PRR16: variants seen among roughly 807,000 people sequenced by gnomAD.
PRR16 encodes proline rich 16.
PRR16 carries 6 observed loss-of-function variants against 18.2 expected under a neutral mutation model. That is an observed-to-expected ratio of 0.33 (90% CI 0.18 to 0.65). The LOEUF (loss-of-function observed/expected upper bound fraction) is 0.65, where lower values mean the gene tolerates loss of function less well. Ranked by LOEUF, PRR16 falls within the 30% of genes least tolerant of loss-of-function variation. The pLI is 0.74. For missense variants in PRR16, 412 were observed against 376.6 expected, an observed-to-expected ratio of 1.09 and a Z score of -0.78; for synonymous variants, 151 against 147.8, an observed-to-expected ratio of 1.02 and a Z score of -0.16.
At chr5:120,772,857 TAC>T in the PRR16 span, among the ~76,000 whole-genome samples, 4 of 152,104 alleles carry the variant, frequency 2.6e-5, no homozygotes, top group African/African-American at 4.8e-5. Flanking sequence ...TCAAGCCATA[TAC>T]AGTTTTCACA....
chr5:120,693,819 T>G, the PRR16 span, among the ~76,000 whole-genome samples: 1,010 of 152,340 alleles, frequency 6.6e-3, 21 homozygotes, highest in African/African-American at 0.022. Context: ...TCTCAACTCA[T>G]GTCTTTCTTG....
At chr5:120,575,916 C>G (rs1580742387) in intron 1 of PRR16, among the ~76,000 whole-genome samples, 1 of 152,068 alleles carries the variant, frequency 6.6e-6, no homozygotes, top group African/African-American at 2.4e-5. Context: ...GTGCCAGGTA[C>G]ACACAATAGA....
At chr5:120,696,655 A>T in the PRR16 span, among the ~76,000 whole-genome samples, 1 of 152,210 alleles carries the variant, frequency 6.6e-6, no homozygotes, top group East Asian at 1.9e-4. Context: ...ATGGACTGCT[A>T]CAAAGTGGTG....
At chr5:120,682,382 G>A (rs1490844677) in intron 1 of PRR16, among the ~76,000 whole-genome samples, 1 of 152,078 alleles carries the variant, frequency 6.6e-6, no homozygotes, top group African/African-American at 2.4e-5. Flanking sequence ...GTCAAAGTGA[G>A]GCCCTTTCAT....
chr5:120,600,908 GT>G (rs1448625832), intron 1 of PRR16, among the ~76,000 whole-genome samples: 1 of 151,686 alleles, frequency 6.6e-6, no homozygotes, highest in Non-Finnish European at 1.5e-5. Context: ...TCATGATTTT[GT>G]TTTTTATGGC....
chr5:120,697,844 T>C, the PRR16 span, among the ~76,000 whole-genome samples: 1 of 151,854 alleles, frequency 6.6e-6, no homozygotes, highest in African/African-American at 2.4e-5. Context: ...GGACCTTAAG[T>C]TAGTCAAAAC....
intron 1 of PRR16, among the ~76,000 whole-genome samples, chr5:120,612,510 C>T (rs78460213): frequency 0.059 from 8,970 of 152,160 alleles, 340 homozygotes; most frequent in South Asian, 0.084. Flanking sequence ...ATTCTCGTGA[C>T]GGTGAATAAG....
chr5:120,766,021 A>C, the PRR16 span, among the ~76,000 whole-genome samples: 8 of 152,176 alleles, frequency 5.3e-5, no homozygotes, highest in African/African-American at 1.4e-4. Flanking sequence ...GGTATAGTTA[A>C]TAAGTGGCCT....
At chr5:120,544,755 G>C (rs548489518) in intron 1 of PRR16, among the ~76,000 whole-genome samples, 4 of 152,074 alleles carry the variant, frequency 2.6e-5, no homozygotes, top group African/African-American at 9.6e-5. Context: ...GCCCAGGCTG[G>C]TTTTGAGACT....
At chr5:120,748,697 A>G in the PRR16 span, among the ~76,000 whole-genome samples, 1 of 152,244 alleles carries the variant, frequency 6.6e-6, no homozygotes, top group African/African-American at 2.4e-5. Context: ...CATTCATTTA[A>G]TAGGTAACAT....
At chr5:120,567,329 A>G (rs1380846703) in intron 1 of PRR16, among the ~76,000 whole-genome samples, 1 of 152,042 alleles carries the variant, frequency 6.6e-6, no homozygotes, top group African/African-American at 2.4e-5. Flanking sequence ...AGGACTTCTT[A>G]TCTGAGAGAC....
intron 1 of PRR16, among the ~76,000 whole-genome samples, chr5:120,609,883 T>G (rs972640674): frequency 1.3e-5 from 2 of 152,228 alleles, no homozygotes; most frequent in Non-Finnish European, 2.9e-5. Context: ...AATTACTTTT[T>G]GCACCGCACT....
intron 1 of PRR16, among the ~76,000 whole-genome samples, chr5:120,544,723 A>T (rs897309): frequency 0.21 from 31,384 of 151,830 alleles, 3,319 homozygotes; most frequent in Non-Finnish European, 0.21. Flanking sequence ...TTATTTTTGT[A>T]GAGATAGGGT....
At chr5:120,528,219 G>A (rs767632535) in intron 1 of PRR16, among the ~76,000 whole-genome samples, 2 of 152,152 alleles carry the variant, frequency 1.3e-5, no homozygotes, top group Non-Finnish European at 2.9e-5. Context: ...ATCTAAATAT[G>A]TCATCAACCA....
At chr5:120,629,007 A>G (rs959983380) in intron 1 of PRR16, among the ~76,000 whole-genome samples, 1 of 152,028 alleles carries the variant, frequency 6.6e-6, no homozygotes, top group Admixed American at 6.6e-5. Context: ...TACCCAAAAG[A>G]CAGGTTTTCA....
intron 1 of PRR16, among the ~76,000 whole-genome samples, chr5:120,647,170 G>A (rs1213657314): frequency 6.6e-6 from 1 of 151,846 alleles, no homozygotes; most frequent in African/African-American, 2.4e-5. Flanking sequence ...TAACGTTATG[G>A]CGGGAGAAGT....
chr5:120,519,954 T>G (rs1231980622), intron 1 of PRR16, among the ~76,000 whole-genome samples: 2 of 152,240 alleles, frequency 1.3e-5, no homozygotes, highest in African/African-American at 2.4e-5. Context: ...TTTTTTTTAG[T>G]TTGATACATC....
intron 1 of PRR16, among the ~76,000 whole-genome samples, chr5:120,562,600 T>C (rs1752611181): frequency 6.6e-6 from 1 of 152,152 alleles, no homozygotes; most frequent in African/African-American, 2.4e-5. Context: ...TGATTTTCTC[T>C]GGTGGTATGT....
intron 1 of PRR16, among the ~76,000 whole-genome samples, chr5:120,634,488 T>C (rs1277152885): frequency 2.0e-5 from 3 of 151,908 alleles, no homozygotes; most frequent in Non-Finnish European, 2.9e-5. Flanking sequence ...TACTAAAATA[T>C]AAAAATTAGC....
Sources: allele counts gnomAD v4.1 joint callset (sites outside exome capture counted in the v4.1 genomes callset), GRCh38; gene constraint gnomAD v4.1.1; transcripts MANE v1.5; gene names NCBI Gene and HGNC (gene_info 2026-07-23, HGNC 2026-07-21).